The following DENND5B variants were observed in gnomAD, a reference collection of about 807,000 sequenced individuals.
DENND5B encodes the protein DENN domain-containing protein 5B.
A neutral mutation model predicts 140.6 loss-of-function variants in DENND5B; 34 were observed. That is an observed-to-expected ratio of 0.24 (90% CI 0.18 to 0.32). DENND5B has a LOEUF of 0.32. DENND5B is among the 10% of genes least tolerant of loss of function. The probability of loss-of-function intolerance (pLI) is 1.00; values close to 1 mark genes in which losing one functional copy is unlikely to be tolerated. For synonymous variants in DENND5B, 551 were observed against 562.1 expected (o/e 0.98, Z 0.28); for missense variants, 1,142 against 1,560.2 (o/e 0.73, Z 4.52).
At chr12:31,396,205 G>C (rs1941458387) in intron 17 of DENND5B, among the ~76,000 whole-genome samples, 1 of 151,808 alleles carries the variant, frequency 6.6e-6, no homozygotes, top group Admixed American at 6.6e-5. Flanking sequence ...AAGTAGCTAG[G>C]ATTACAGGTG....
chr12:31,437,931 G>A (rs902911557), intron 7 of DENND5B, among the ~76,000 whole-genome samples: 24 of 152,256 alleles, frequency 1.6e-4, no homozygotes, highest in African/African-American at 5.8e-4. Context: ...ACATTCCATG[G>A]TGATGCGATT....
chr12:31,525,387 G>A (rs1472045302), intron 1 of DENND5B, among the ~76,000 whole-genome samples: 1 of 152,202 alleles, frequency 6.6e-6, no homozygotes, highest in African/African-American at 2.4e-5. Flanking sequence ...GTGCTACAAT[G>A]TGGATGAATC....
intron 3 of DENND5B, among the ~76,000 whole-genome samples, chr12:31,474,098 A>G (rs1439015206): frequency 6.6e-6 from 1 of 152,198 alleles, no homozygotes; most frequent in Non-Finnish European, 1.5e-5. Flanking sequence ...AGTAGCTTCC[A>G]CCTTCTGACA....
chr12:31,500,496 ATGGT>A (rs1384958888), intron 1 of DENND5B: 1 of 410,662 alleles, frequency 2.4e-6, no homozygotes, highest in Non-Finnish European at 4.7e-6. Flanking sequence ...CCTGATCAAC[ATGGT>A]GAAACCTCAT....
chr12:31,408,914 G>A (rs139585183), intron 14 of DENND5B, among the ~76,000 whole-genome samples: 2 of 152,308 alleles, frequency 1.3e-5, no homozygotes, highest in African/African-American at 2.4e-5. Flanking sequence ...GATTGGTTAA[G>A]CAAGATGTTA....
intron 11 of DENND5B, 66 bp downstream of exon 11, chr12:31,423,531 A>G (rs1034615523): frequency 2.3e-5 from 35 of 1,523,620 alleles, no homozygotes; most frequent in Middle Eastern, 1.7e-4. Flanking sequence ...AGATCAAGAC[A>G]AGGCCAAATA....
chr12:31,575,721 C>G (rs1208346486), intron 1 of DENND5B, among the ~76,000 whole-genome samples: 1 of 151,984 alleles, frequency 6.6e-6, no homozygotes, highest in African/African-American at 2.4e-5. Flanking sequence ...CTTTGGGAGG[C>G]CCAGGCAGGA....
chr12:31,580,429 C>T (rs1007389970), intron 1 of DENND5B, among the ~76,000 whole-genome samples: 1 of 152,058 alleles, frequency 6.6e-6, no homozygotes, highest in African/African-American at 2.4e-5. Context: ...CTTGCTTTTT[C>T]ATCAATCTCA....
At chr12:31,497,993 G>A (rs975678762) in intron 1 of DENND5B, among the ~76,000 whole-genome samples, 21 of 150,850 alleles carry the variant, frequency 1.4e-4, no homozygotes, top group Admixed American at 5.3e-4. Context: ...GGAAAGAAAG[G>A]AAAAGAAAAG....
chr12:31,494,249 C>A (rs1946678737), intron 2 of DENND5B, among the ~76,000 whole-genome samples: 1 of 149,616 alleles, frequency 6.7e-6, no homozygotes, highest in Non-Finnish European at 1.5e-5. Flanking sequence ...TACCTACCTA[C>A]CTACCTATTT....
intron 20 of DENND5B, among the ~76,000 whole-genome samples, chr12:31,388,771 AGAT>A (rs1354044089): frequency 6.6e-5 from 10 of 151,142 alleles, no homozygotes; most frequent in African/African-American, 2.4e-4. Flanking sequence ...CTTAAAGAGA[AGAT>A]GATATTTATA....
intron 1 of DENND5B, among the ~76,000 whole-genome samples, chr12:31,544,901 G>C (rs1948807156): frequency 6.6e-6 from 1 of 151,908 alleles, no homozygotes; most frequent in Admixed American, 6.6e-5. Context: ...CCAGGAGATA[G>C]AGCAACAAGT....
chr12:31,415,161 C>T (rs1277708466), intron 12 of DENND5B, among the ~76,000 whole-genome samples: 6 of 152,232 alleles, frequency 3.9e-5, no homozygotes, highest in African/African-American at 1.4e-4. Context: ...TAAAACTCTT[C>T]TCAGCTGCAT....
intron 1 of DENND5B, among the ~76,000 whole-genome samples, chr12:31,545,199 G>A (rs1402331646): frequency 6.6e-6 from 1 of 151,864 alleles, no homozygotes; most frequent in Non-Finnish European, 1.5e-5. Context: ...TTAGCAGCAT[G>A]TTTTTTCATT....
rs1165348545 is a variant in DENND5B, at chr12:31,402,557, C to A, written c.2890G>T (p.Glu964Ter). 1 of 1,613,860 alleles carries A rather than the reference C, an allele frequency of 6.2e-7. No homozygotes were observed. The highest frequency in any genetic ancestry group is 8.5e-7 in the Non-Finnish European group (1 of 1,179,836). Reference sequence around the variant, plus strand: ...TGCATTACTCCTGTGTCTCCCAGCTCTCCTGATACACAGATCCAAGGGTTT... The same window carrying A: ...TGCATTACTCCTGTGTCTCCCAGCTATCCTGATACACAGATCCAAGGGTTT... ...TSNPWICVSG[E>*]LGDTGVMQIP... Residue 964 changes from glutamate (E) to a stop codon, truncating the protein, a stop_gained, in exon 15 of 21, where the codon GAG (glutamate) becomes TAG (stop). Transcript: ENST00000389082. LOFTEE classifies it high-confidence loss of function.
chr12:31,437,148 T>C (rs149668488), intron 7 of DENND5B, among the ~76,000 whole-genome samples: 60 of 13,096 alleles, frequency 4.6e-3, no homozygotes, highest in Non-Finnish European at 0.035. Flanking sequence ...GCCCCCCCCT[T>C]TTTTTTTTTT....
intron 9 of DENND5B, among the ~76,000 whole-genome samples, chr12:31,425,110 C>A (rs1010957360): frequency 6.6e-6 from 1 of 152,100 alleles, no homozygotes; most frequent in South Asian, 2.1e-4. Context: ...GTCAGGAGTT[C>A]GAGACCAGCC....
At chr12:31,397,343 T>C (rs1308017068) in intron 17 of DENND5B, among the ~76,000 whole-genome samples, 3 of 151,684 alleles carry the variant, frequency 2.0e-5, no homozygotes, top group Non-Finnish European at 4.4e-5. Context: ...GGTCAAGAGA[T>C]TGAGACCAGC....
At chr12:31,550,464 T>C (rs1477785404) in intron 1 of DENND5B, among the ~76,000 whole-genome samples, 2 of 152,142 alleles carry the variant, frequency 1.3e-5, no homozygotes, top group South Asian at 4.1e-4. Flanking sequence ...CAGTCTATCG[T>C]TCTTGGACAT....
Sources: allele counts gnomAD v4.1 joint callset (sites outside exome capture counted in the v4.1 genomes callset), GRCh38; gene constraint gnomAD v4.1.1; transcripts MANE v1.5; gene names NCBI Gene and HGNC (gene_info 2026-07-23, HGNC 2026-07-21).